ARHGAP29: variants seen among roughly 807,000 people sequenced by gnomAD.
ARHGAP29 encodes the protein Rho GTPase activating protein 29.
A neutral mutation model predicts 122.6 loss-of-function variants in ARHGAP29; 43 were observed. That is an observed-to-expected ratio of 0.35 (90% confidence interval 0.27 to 0.45). The LOEUF is 0.45. ARHGAP29 is among the 20% of genes least tolerant of loss of function. ARHGAP29 has a pLI of 1.00. For missense variants in ARHGAP29, 1,303 were observed against 1,477.2 expected (o/e 0.88, Z 1.93); for synonymous variants, 506 against 497.1 (o/e 1.02, Z -0.24).
chr1:94,263,336 CCT>C (rs1361632782), intron 1 of ARHGAP29, among the ~76,000 whole-genome samples: 1 of 151,850 alleles, frequency 6.6e-6, no homozygotes, highest in Non-Finnish European at 1.5e-5. Context: ...AAAACAAACC[CCT>C]GTGACACAAA....
rs141478423 is a variant in ARHGAP29 at position 94,205,498 on chromosome 1, A to C, written c.559+137T>G. The C allele has an allele frequency of 3.5e-4, 276 of 797,492 alleles. 1 individual carries two copies. The African/African-American group carries it at 4.5e-3, about 13-fold the overall frequency. The allele number at this position is 797,492 out of a possible 1,614,324, so 49.4% of individuals were successfully genotyped here. A position where few individuals can be genotyped will look rare whatever the true frequency, so the allele number is the denominator to read the frequency against. ...TAGCAGGTTATTTCCCTTAAGCTCT[A>C]TATGTAAAACTTTATATATCATTTT... On this transcript the variant is annotated intron_variant, in intron 6 of 22. Coordinates refer to ENST00000260526, the MANE Select transcript of ARHGAP29 (RefSeq NM_004815.4).
intron 2 of ARHGAP29, among the ~76,000 whole-genome samples, chr1:94,225,689 CTTAAT>C (rs1170480787): frequency 1.3e-5 from 2 of 151,934 alleles, no homozygotes; most frequent in Non-Finnish European, 2.9e-5. Flanking sequence ...AGTTATAGTA[CTTAAT>C]TTAGTCATAT....
chr1:94,300,291 A>C, the ARHGAP29 span, among the ~76,000 whole-genome samples: 1 of 152,342 alleles, frequency 6.6e-6, no homozygotes, highest in African/African-American at 2.4e-5. Flanking sequence ...ACAGGCAGTG[A>C]GGTTCCTACA....
chr1:94,236,494 G>A (rs1456299530), intron 1 of ARHGAP29, among the ~76,000 whole-genome samples: 1 of 152,170 alleles, frequency 6.6e-6, no homozygotes, highest in Non-Finnish European at 1.5e-5. Flanking sequence ...CAGTCACAGA[G>A]ACAGATGGAG....
the ARHGAP29 span, among the ~76,000 whole-genome samples, chr1:94,286,316 A>G: frequency 6.6e-6 from 1 of 152,198 alleles, no homozygotes; most frequent in Non-Finnish European, 1.5e-5. Flanking sequence ...GCTTCAACAT[A>G]TGAATTTGGG....
chr1:94,239,350 C>T (rs1653484575), upstream of ARHGAP29, among the ~76,000 whole-genome samples: 1 of 152,120 alleles, frequency 6.6e-6, no homozygotes, highest in South Asian at 2.1e-4. Flanking sequence ...ACTTATACAC[C>T]ATTTCCCTTA....
chr1:94,278,217 GC>G (rs1655249422), upstream of ARHGAP29, among the ~76,000 whole-genome samples: 1 of 152,068 alleles, frequency 6.6e-6, no homozygotes, highest in African/African-American at 2.4e-5. Context: ...TACCCAGAAG[GC>G]TGAGGCAGAG....
At chr1:94,194,356 T>C (rs1473935482) in intron 12 of ARHGAP29, 1 of 152,214 alleles carries the variant, frequency 6.6e-6, no homozygotes, top group Non-Finnish European at 1.5e-5. Context: ...GCTTATTTTG[T>C]ATCTTAATGA....
intron 13 of ARHGAP29, 23 bp from the exon 14 acceptor site, chr1:94,189,375 AAAC>A (rs753696685): frequency 6.3e-7 from 1 of 1,593,708 alleles, no homozygotes; most frequent in Admixed American, 1.8e-5. Flanking sequence ...CAATGACAAA[AAAC>A]AAAACTCAAC....
chr1:94,300,472 T>G, the ARHGAP29 span, among the ~76,000 whole-genome samples: 1 of 152,180 alleles, frequency 6.6e-6, no homozygotes, highest in Non-Finnish European at 1.5e-5. Flanking sequence ...ATTTTAGTGC[T>G]GACCTCATCT....
At chr1:94,204,066 T>A in intron 7 of ARHGAP29, 72 bp from the exon 8 acceptor site, 46 of 1,175,576 alleles carry the variant, frequency 3.9e-5, no homozygotes, top group Non-Finnish European at 5.1e-5. Flanking sequence ...TAAAATTACT[T>A]GTAGTAATTC....
At chr1:94,302,929 C>A in the ARHGAP29 span, 1 of 183,812 alleles carries the variant, frequency 5.4e-6, no homozygotes. Flanking sequence ...TTGCCCTCAA[C>A]GGCCTCTTTG....
chr1:94,190,071 G>A lies in ARHGAP29; in HGVS notation c.1294C>T (p.Leu432Phe). ...GCCTGCAGATGCTGCATGTGGAAGA[G>A]GTTAACTGTTACCTATGGACCCAGA... Reference protein sequence around the residue: ...DLTLKAVTVNLFHMQHLQAAS... With the variant: ...DLTLKAVTVNFFHMQHLQAAS... Residue 432 changes from leucine to phenylalanine, a missense_variant, in exon 13 of 23, where the codon CTC (leucine) becomes TTC (phenylalanine). Around this residue, in one of 3 missense-constraint regions of ARHGAP29, gnomAD observed 592 missense variants for 648.2 expected, o/e 0.91. Coordinates refer to ENST00000260526, the MANE Select transcript of ARHGAP29 (RefSeq NM_004815.4). 6.2e-7 allele frequency: 1 copy of A among 1,613,068 alleles called. No individual in the cohort carries two copies. Among genetic ancestry groups the A allele is most frequent in the Non-Finnish European group, 8.5e-7 (1 of 1,179,402 alleles).
Position 94,178,013 on chromosome 1 carries a change from T to C in ARHGAP29, c.2635A>G (p.Ile879Val). 6.2e-7 allele frequency: 1 copy of C among 1,614,184 alleles called. No individual in the cohort carries two copies. The highest frequency in any genetic ancestry group is 2.2e-5 in the East Asian group (1 of 44,872). Residue 879 changes from isoleucine to valine, a missense_variant, in exon 21 of 23, where the codon ATT (isoleucine) becomes GTT (valine). Ile to Val is a conservative substitution (Grantham distance 29). This residue lies in a region of ARHGAP29 where 620 missense variants were observed against 651.2 expected (regional missense o/e 0.95). Coordinates refer to ENST00000260526, the MANE Select transcript of ARHGAP29 (RefSeq NM_004815.4). ...TCGAAGATCTTCTGTGAGTAAGTAA[T>C]GAGAAACTCTACCAAGCGTGCTTGA... Reference protein sequence around the residue: ...SNQARLVEFLITYSQKIFDGS... With the variant: ...SNQARLVEFLVTYSQKIFDGS...
chr1:94,224,911 G>A (rs1557874250), intron 2 of ARHGAP29, among the ~76,000 whole-genome samples: 2 of 152,066 alleles, frequency 1.3e-5, no homozygotes, highest in South Asian at 2.1e-4. Context: ...TTCGTAAGAA[G>A]TTTCAGAAGC....
intron 19 of ARHGAP29, among the ~76,000 whole-genome samples, chr1:94,180,393 CTG>C (rs759931564): frequency 1.2e-4 from 18 of 152,182 alleles, no homozygotes; most frequent in Non-Finnish European, 2.2e-4. Flanking sequence ...CAAGAAGACA[CTG>C]TTAACATTTT....
the ARHGAP29 span, among the ~76,000 whole-genome samples, chr1:94,290,210 G>A: frequency 6.8e-3 from 1,024 of 151,640 alleles, 8 homozygotes; most frequent in African/African-American, 0.024. Context: ...AGGTCTATTC[G>A]GGTCTATTCA....
chr1:94,220,295 A>C lies in ARHGAP29; in HGVS notation c.303T>G (p.Leu101=). 6.2e-7 allele frequency: 1 copy of C among 1,613,650 alleles called. No individual in the cohort carries two copies. Among genetic ancestry groups the C allele is most frequent in the Non-Finnish European group, 8.5e-7 (1 of 1,179,738 alleles). The change falls in exon 3 of 23, where the codon CTT becomes CTG. Residue 101 remains leucine, a synonymous_variant. Coordinates refer to ENST00000260526, the MANE Select transcript of ARHGAP29 (RefSeq NM_004815.4). ...NKHQNLNSVD[L]QNAAEMLTAK... ...CAGTGAGCATTTCTGCAGCATTTTG[A>C]AGATCAACAGAATTGAGGTTCTGAT...
In ARHGAP29 at chr1:94,189,301, G is replaced by A; in HGVS notation, c.1491C>T (p.Ala497=). 1.2e-6 allele frequency: 2 copies of A among 1,612,782 alleles called. No individual in the cohort carries two copies. Among genetic ancestry groups the A allele is most frequent in the East Asian group, 2.2e-5 (1 of 44,832 alleles). The change falls in exon 14 of 23, where the codon GCC becomes GCT. Residue 497 remains alanine, a synonymous_variant. Coordinates refer to ENST00000260526, the MANE Select transcript of ARHGAP29 (RefSeq NM_004815.4). ...GGCGTACAACATCCTCTAAAGAGTT[G>A]GCAGGTCCAAATCCTGAAGGTTGGG... ...NSSQPSGFGP[A]NSLEDVVRLP...
Sources: gnomAD v4.1 joint callset for allele counts (sites outside exome capture counted in the v4.1 genomes callset) on GRCh38, gnomAD v4.1.1 for gene constraint, gnomAD v4.1.1 regional missense constraint, MANE v1.5 for transcripts, NCBI Gene and HGNC (gene_info 2026-07-23, HGNC 2026-07-21) for gene names.